Variants in TMEM108 observed in about 807,000 individuals in gnomAD.
TMEM108 encodes the protein transmembrane protein 108.
In TMEM108, 12 loss-of-function variants were observed where a neutral mutation model predicts 35.1. The ratio of observed to expected loss-of-function variants is 0.34; its 90% CI spans 0.22 to 0.55. TMEM108 has a LOEUF of 0.55. Among genes scored for constraint, TMEM108 ranks in the 20% least tolerant of loss-of-function variants. The pLI, the probability that TMEM108 is intolerant of heterozygous loss-of-function variation, is 0.89. For missense variants in TMEM108, 680 were observed against 753.3 expected, an observed-to-expected ratio of 0.90 and a Z score of 1.14; for synonymous variants, 287 against 308.6, an observed-to-expected ratio of 0.93 and a Z score of 0.73.
At position 133,281,489 on chromosome 3, in the gene TMEM108, G is replaced by A. The variant is rs114060495; in HGVS notation, c.40+52138G>A. On this transcript the variant is annotated intron_variant, in intron 3 of 5. Transcript: ENST00000321871. Reference sequence around the variant, plus strand: ...AGCTAAGTACAATTATAGCTGTTAAGCATCTTTTTCTTTGCATTGTAACCA... The same window carrying A: ...AGCTAAGTACAATTATAGCTGTTAAACATCTTTTTCTTTGCATTGTAACCA... Among the ~76,000 whole-genome samples, 1,440 of 152,330 alleles carry A rather than the reference G, an allele frequency of 9.5e-3. 20 individuals are homozygous for A. The highest frequency in any genetic ancestry group is 0.033 in the African/African-American group (1,364 of 41,580).
chr3:133,044,984 T>G (rs1426001181), intron 1 of TMEM108, among the ~76,000 whole-genome samples: 1 of 151,856 alleles, frequency 6.6e-6, no homozygotes, highest in Non-Finnish European at 1.5e-5. Context: ...TCTTTTTTTT[T>G]TGAGACGGAG....
At chr3:133,378,682 G>A in intron 3 of TMEM108, 2 of 235,480 alleles carry the variant, frequency 8.5e-6, no homozygotes, top group Non-Finnish European at 1.4e-5. Context: ...TTAAAAATAG[G>A]CACATGCTAT....
intron 3 of TMEM108, among the ~76,000 whole-genome samples, chr3:133,279,410 G>C (rs987720332): frequency 6.6e-6 from 1 of 152,162 alleles, no homozygotes; most frequent in African/African-American, 2.4e-5. Flanking sequence ...TAAGAATTAG[G>C]ACAGCCTGTC....
intron 2 of TMEM108, among the ~76,000 whole-genome samples, chr3:133,168,490 G>C (rs1463023632): frequency 6.6e-6 from 1 of 151,950 alleles, no homozygotes; most frequent in Admixed American, 6.5e-5. Flanking sequence ...TGGGCTTCTG[G>C]GTCGGGTGGG....
chr3:133,242,741 G>A (rs956237763), intron 3 of TMEM108, among the ~76,000 whole-genome samples: 1 of 152,206 alleles, frequency 6.6e-6, no homozygotes, highest in Non-Finnish European at 1.5e-5. Flanking sequence ...CCCCTGTCCT[G>A]TGATCAGTGA....
intron 2 of TMEM108, among the ~76,000 whole-genome samples, chr3:133,147,901 GA>G (rs1413281197): frequency 6.6e-6 from 1 of 150,958 alleles, no homozygotes; most frequent in Non-Finnish European, 1.5e-5. Context: ...TGCATATTTG[GA>G]TAGCTAGCTA....
chr3:133,304,297 T>C (rs1250167369), intron 3 of TMEM108, among the ~76,000 whole-genome samples: 3 of 152,228 alleles, frequency 2.0e-5, no homozygotes, highest in Admixed American at 2.0e-4. Context: ...AAGTCTCATA[T>C]ATTGCATGTT....
intron 3 of TMEM108, among the ~76,000 whole-genome samples, chr3:133,265,805 T>C (rs1946689088): frequency 6.6e-6 from 1 of 152,230 alleles, no homozygotes; most frequent in Non-Finnish European, 1.5e-5. Context: ...TTTGTAGAAA[T>C]ACCTTCACCA....
chr3:133,387,839 T>C (rs575202387), intron 4 of TMEM108: 29 of 985,274 alleles, frequency 2.9e-5, no homozygotes, highest in Non-Finnish European at 3.1e-5. Context: ...AAATTCGATG[T>C]CCCTTTTGCC....
chr3:133,083,643 C>A (rs895766586), intron 2 of TMEM108, among the ~76,000 whole-genome samples: 1 of 152,106 alleles, frequency 6.6e-6, no homozygotes, highest in Non-Finnish European at 1.5e-5. Flanking sequence ...CTTTTCATGT[C>A]CCTGAAGTAA....
chr3:133,128,492 G>A (rs917750449), intron 2 of TMEM108, among the ~76,000 whole-genome samples: 2 of 152,144 alleles, frequency 1.3e-5, no homozygotes, highest in African/African-American at 2.4e-5. Flanking sequence ...CTAAGGCTTC[G>A]TGGAAAGAGG....
intron 2 of TMEM108, among the ~76,000 whole-genome samples, chr3:133,138,578 C>A (rs908211980): frequency 6.6e-6 from 1 of 151,888 alleles, no homozygotes; most frequent in African/African-American, 2.4e-5. Context: ...TTGTCTTCTT[C>A]GAGTGTGGCC....
chr3:133,395,795 A>ATTTC, intron 5 of TMEM108, 69 bp from the exon 6 acceptor site: 3 of 1,431,594 alleles, frequency 2.1e-6, no homozygotes, highest in Non-Finnish European at 2.8e-6. Flanking sequence ...CCATGTGTAC[A>ATTTC]TTTCTTTAAG....
intron 2 of TMEM108, among the ~76,000 whole-genome samples, chr3:133,192,072 G>A (rs568942236): frequency 1.1e-3 from 165 of 152,204 alleles, no homozygotes; most frequent in African/African-American, 3.8e-3. Flanking sequence ...CTGAGATCAT[G>A]TATGTCCCAT....
intron 2 of TMEM108, among the ~76,000 whole-genome samples, chr3:133,144,221 T>C (rs1308708471): frequency 1.3e-5 from 2 of 151,972 alleles, no homozygotes; most frequent in African/African-American, 2.4e-5. Context: ...GAACATGCGG[T>C]GTTTGGTTTT....
intron 3 of TMEM108, among the ~76,000 whole-genome samples, chr3:133,266,566 C>T (rs182643460): frequency 4.6e-5 from 7 of 152,260 alleles, no homozygotes; most frequent in East Asian, 3.9e-4. Context: ...GTCTCAGCTT[C>T]GAAGAACCTG....
intron 2 of TMEM108, among the ~76,000 whole-genome samples, chr3:133,195,679 G>A (rs766351615): frequency 2.6e-5 from 4 of 152,228 alleles, no homozygotes; most frequent in Non-Finnish European, 4.4e-5. Context: ...ATGAGTGAAT[G>A]AATGGATTAA....
intron 2 of TMEM108, among the ~76,000 whole-genome samples, chr3:133,131,202 G>A (rs1025527098): frequency 6.6e-6 from 1 of 152,214 alleles, no homozygotes; most frequent in Middle Eastern, 3.4e-3. Context: ...TGAAGGGGTT[G>A]TTTCAGCATT....
chr3:133,346,636 G>A lies in TMEM108; in HGVS notation c.41-33116G>A, dbSNP rs140235075. On this transcript the variant is annotated intron_variant, in intron 3 of 5. Transcript: ENST00000321871. The surrounding 1 kb of genome is among the most constrained non-coding windows in gnomAD (Gnocchi z 4.0). ...ATTCTTTGAATTTATCACAGCAGAA[G>A]TTTTAAATTTAATAAAGTCCAGCTT... Among the ~76,000 whole-genome samples the A allele has an allele frequency of 2.5e-3, 378 of 152,024 alleles. 1 individual carries two copies. Among genetic ancestry groups the A allele is most frequent in the African/African-American group, 8.6e-3 (356 of 41,524 alleles).
Sources: allele counts gnomAD v4.1 joint callset (sites outside exome capture counted in the v4.1 genomes callset), GRCh38; gene constraint gnomAD v4.1.1; non-coding constraint Gnocchi (gnomAD v3.1); transcripts MANE v1.5; gene names NCBI Gene and HGNC (gene_info 2026-07-23, HGNC 2026-07-21).